NEK10: variants seen among roughly 807,000 people sequenced by gnomAD.
NEK10 encodes the protein NIMA related kinase 10, also known as serine/threonine-protein kinase Nek10.
Under a neutral mutation model 159.8 loss-of-function variants are expected in NEK10, and 122 were observed. The observed-to-expected ratio is 0.76, with a 90% CI of 0.66 to 0.89. The LOEUF is 0.89. NEK10 is among the 40% of genes least tolerant of loss of function. The pLI is 0.00. For missense variants in NEK10, 1,342 were observed against 1,323.1 expected, an observed-to-expected ratio of 1.01 and a Z score of -0.22; for synonymous variants, 466 against 457.1, an observed-to-expected ratio of 1.02 and a Z score of -0.25.
At chr3:27,157,229 T>C (rs1458123827) in intron 30 of NEK10, among the ~76,000 whole-genome samples, 1 of 151,550 alleles carries the variant, frequency 6.6e-6, no homozygotes, top group Non-Finnish European at 1.5e-5. Context: ...TATGGTGCAG[T>C]GTATACTGCT....
At chr3:27,263,144 C>T (rs1007402271) in intron 22 of NEK10, among the ~76,000 whole-genome samples, 14 of 152,204 alleles carry the variant, frequency 9.2e-5, no homozygotes, top group African/African-American at 3.4e-4. Context: ...TATTGGTGAA[C>T]AGCAAATGTT....
chr3:27,164,110 T>C (rs1172225592), intron 29 of NEK10, among the ~76,000 whole-genome samples: 1 of 152,170 alleles, frequency 6.6e-6, no homozygotes, highest in Non-Finnish European at 1.5e-5. Flanking sequence ...TTCCAGAGCC[T>C]TGAAAAGTAA....
intron 23 of NEK10, among the ~76,000 whole-genome samples, chr3:27,218,736 T>TAA (rs1178048499): frequency 0.28 from 25,627 of 92,774 alleles, 3,182 homozygotes; most frequent in Middle Eastern, 0.44. Flanking sequence ...GAATGAAGTC[T>TAA]AAAAAAAAAA....
intron 25 of NEK10, among the ~76,000 whole-genome samples, chr3:27,198,846 T>C (rs1325452992): frequency 6.6e-6 from 1 of 151,688 alleles, no homozygotes; most frequent in Non-Finnish European, 1.5e-5. Context: ...CCGAGGCGTG[T>C]AGATCATGAG....
At chr3:27,201,407 G>A in intron 25 of NEK10, 103 bp downstream of exon 25, 1 of 947,538 alleles carries the variant, frequency 1.1e-6, no homozygotes, top group Non-Finnish European at 1.6e-6. Flanking sequence ...ATTATGTAGG[G>A]ACTCTTTCTC....
intron 23 of NEK10, among the ~76,000 whole-genome samples, chr3:27,204,318 T>TTGTTTTGTTTTG (rs1950327130): frequency 3.6e-5 from 5 of 140,570 alleles, no homozygotes; most frequent in South Asian, 2.3e-4. Context: ...TTTTTTTTTT[T>TTGTTTTGTTTTG]TTTATTATAC....
intron 31 of NEK10, among the ~76,000 whole-genome samples, chr3:27,137,207 A>G (rs568533618): frequency 2.2e-4 from 33 of 152,298 alleles, no homozygotes; most frequent in African/African-American, 7.2e-4. Flanking sequence ...CACGATAGTT[A>G]TATTTGAACT....
At chr3:27,252,290 T>G in intron 23 of NEK10, 1 of 471,832 alleles carries the variant, frequency 2.1e-6, no homozygotes, top group Non-Finnish European at 4.3e-6. Flanking sequence ...AGGGAAATCC[T>G]CTCTACATAA....
chr3:27,212,481 G>T (rs957427130), intron 23 of NEK10, among the ~76,000 whole-genome samples: 1 of 152,156 alleles, frequency 6.6e-6, no homozygotes, highest in Non-Finnish European at 1.5e-5. Context: ...CATGGCCTTC[G>T]ACAGCTTCCT....
rs1939185292 is a variant in NEK10 at position 27,108,271 on chromosome 3, G to C, written c.*3001C>G. On this transcript the variant is annotated 3_prime_UTR_variant, in exon 36 of 36. Coordinates refer to ENST00000691995, the MANE Select transcript of NEK10 (RefSeq NM_001394966.1). ...CCATACAAGTGTCCACAATAAACAA[G>C]CAGCATTTCTCTAGGTTTCTGAAAT... 6.6e-6 allele frequency among the ~76,000 whole-genome samples: 1 copy of C among 152,152 alleles called. No individual in the cohort carries two copies. Among genetic ancestry groups the C allele is most frequent in the Admixed American group, 6.5e-5 (1 of 15,272 alleles).
intron 23 of NEK10, chr3:27,214,865 G>A (rs559118546): frequency 1.3e-5 from 16 of 1,231,088 alleles, no homozygotes; most frequent in East Asian, 2.3e-5. Context: ...GTTGGAGTAA[G>A]CCATTCCTAA....
chr3:27,252,142 G>C (rs559917725), intron 23 of NEK10: 2 of 425,524 alleles, frequency 4.7e-6, no homozygotes, highest in South Asian at 3.7e-5. Flanking sequence ...GGAGACGCAA[G>C]TCCTATGCTT....
chr3:27,114,344 G>A (rs1171952142), intron 35 of NEK10, among the ~76,000 whole-genome samples: 1 of 152,196 alleles, frequency 6.6e-6, no homozygotes, highest in East Asian at 1.9e-4. Flanking sequence ...GGGATGGTGG[G>A]AGGAGAGTAG....
chr3:27,343,782 C>A (rs1189895223), intron 5 of NEK10, among the ~76,000 whole-genome samples: 1 of 152,146 alleles, frequency 6.6e-6, no homozygotes, highest in African/African-American at 2.4e-5. Flanking sequence ...CAACACTGCA[C>A]CTGTGTTAAG....
intron 29 of NEK10, among the ~76,000 whole-genome samples, chr3:27,166,381 TTTTG>T (rs745390447): frequency 2.9e-4 from 44 of 152,052 alleles, no homozygotes; most frequent in Admixed American, 8.5e-4. Context: ...CTATGTGTTT[TTTTG>T]TTTGTTTGTT....
intron 29 of NEK10, among the ~76,000 whole-genome samples, chr3:27,167,886 G>A (rs1236993370): frequency 6.6e-6 from 1 of 152,150 alleles, no homozygotes; most frequent in East Asian, 1.9e-4. Context: ...GCAGGCAGGG[G>A]CTATCCCTCC....
chr3:27,311,397 G>A (rs778976034), intron 8 of NEK10: 29 of 161,906 alleles, frequency 1.8e-4, no homozygotes, highest in Admixed American at 1.5e-3. Context: ...GAACCTGCAC[G>A]TTTCCTCAGC....
intron 31 of NEK10, 113 bp downstream of exon 31, chr3:27,141,369 G>A: frequency 2.8e-6 from 2 of 712,626 alleles, no homozygotes; most frequent in East Asian, 5.3e-5. Context: ...GTATGTAGCT[G>A]GGGAGGATAA....
At chr3:27,324,827 T>C (rs2045897626) in intron 5 of NEK10, among the ~76,000 whole-genome samples, 1 of 152,136 alleles carries the variant, frequency 6.6e-6, no homozygotes, top group Non-Finnish European at 1.5e-5. Context: ...TCATAGGCCC[T>C]CCAGGGCCTG....
Sources: allele counts gnomAD v4.1 joint callset (sites outside exome capture counted in the v4.1 genomes callset), GRCh38; gene constraint gnomAD v4.1.1; transcripts MANE v1.5; gene names NCBI Gene and HGNC (gene_info 2026-07-23, HGNC 2026-07-21).